CRAMP1: variants seen among roughly 807,000 people sequenced by gnomAD.
CRAMP1 encodes the protein protein cramped-like.
In CRAMP1, 50 loss-of-function variants were observed where a neutral mutation model predicts 115.4. That is an observed-to-expected ratio of 0.43 (90% CI 0.35 to 0.55). The LOEUF is 0.55. CRAMP1 is among the 20% of genes least tolerant of loss of function. CRAMP1 has a pLI of 0.01. For synonymous variants in CRAMP1, 866 were observed against 745.4 expected, an observed-to-expected ratio of 1.16 and a Z score of -2.64; for missense variants, 1,679 against 1,721.7, an observed-to-expected ratio of 0.98 and a Z score of 0.44.
chr16:1,657,718 A>G (rs1166848862), intron 10 of CRAMP1, among the ~76,000 whole-genome samples: 1 of 152,136 alleles, frequency 6.6e-6, no homozygotes, highest in Non-Finnish European at 1.5e-5. Flanking sequence ...GAGCCGACAG[A>G]TGGGGTGCAG....
chr16:1,659,615 C>T (rs1324857798), intron 10 of CRAMP1, among the ~76,000 whole-genome samples: 1 of 152,136 alleles, frequency 6.6e-6, no homozygotes, highest in African/African-American at 2.4e-5. Context: ...TCTCGATCTC[C>T]TGACCTCATG....
chr16:1,637,996 CT>C, intron 5 of CRAMP1, 89 bp downstream of exon 5: 1 of 591,932 alleles, frequency 1.7e-6, no homozygotes, highest in South Asian at 3.8e-5. Flanking sequence ...TCTAGTTTCC[CT>C]CTAACTTTTA....
chr16:1,613,491 G>T (rs139768738), intron 1 of CRAMP1, among the ~76,000 whole-genome samples: 10 of 152,156 alleles, frequency 6.6e-5, no homozygotes, highest in African/African-American at 2.2e-4. Flanking sequence ...TTGAACGCAG[G>T]GTCAGTATCT....
chr16:1,662,320 A>G lies in CRAMP1; in HGVS notation c.2414-170A>G, dbSNP rs1036493077. Reference sequence around the variant, plus strand: ...GGGAACAAGAATTTCAGTGAGAAGGATAGAAAATCAGTCTTTATGTGGGAC... The same window carrying G: ...GGGAACAAGAATTTCAGTGAGAAGGGTAGAAAATCAGTCTTTATGTGGGAC... On this transcript the variant is annotated intron_variant, in intron 11 of 20. Coordinates refer to ENST00000397412, the MANE Select transcript of CRAMP1 (RefSeq NM_020825.4). 1.2e-5 allele frequency: 7 copies of G among 605,484 alleles called. No homozygotes were observed. The African/African-American group carries it at 1.3e-4, about 11-fold the overall frequency. 37.5% of individuals were successfully genotyped at this position (605,484 alleles called of 1,614,324 possible).
At chr16:1,661,816 A>G (rs1463289858) in intron 11 of CRAMP1, among the ~76,000 whole-genome samples, 1 of 152,172 alleles carries the variant, frequency 6.6e-6, no homozygotes, top group Non-Finnish European at 1.5e-5. Context: ...CTGGCCTACC[A>G]TGAATTCACA....
intron 14 of CRAMP1, 49 bp downstream of exon 14, chr16:1,665,187 G>A: frequency 8.2e-7 from 1 of 1,219,990 alleles, no homozygotes; most frequent in Non-Finnish European, 1.2e-6. Context: ...CTCCTCACAG[G>A]AGGGCCTTGG....
At position 1,656,420 on chromosome 16, in the gene CRAMP1, C is replaced by T. The variant is rs950653296; in HGVS notation, c.1663C>T (p.Leu555Phe). The T allele has an allele frequency of 3.8e-6, 6 of 1,587,680 alleles. No individual in the cohort carries two copies. The highest frequency in any genetic ancestry group is 5.1e-6 in the Non-Finnish European group (6 of 1,167,496). Residue 555 changes from leucine to phenylalanine, a missense_variant, in exon 10 of 21, where the codon CTC becomes TTC. Transcript: ENST00000397412. This position sits in a 1 kb window ranked among gnomAD's most constrained non-coding sequence, Gnocchi z 5.6. The stretch of plus-strand genomic sequence containing the variant: ...CCAGCTCCCAGACCTGGAGGACGAG[C>T]TCTCGCTTCTAGACCCCTTGCCCCG... ...CGQLPDLEDE[L>F]SLLDPLPRYL...
intron 20 of CRAMP1, 90 bp downstream of exon 20, chr16:1,670,899 G>C (rs2036917146): frequency 7.8e-7 from 1 of 1,279,836 alleles, no homozygotes. Flanking sequence ...GGGTTAGTAA[G>C]AGCTGTTTGC....
chr16:1,630,700 C>T (rs1000028904), intron 3 of CRAMP1, among the ~76,000 whole-genome samples: 3 of 152,192 alleles, frequency 2.0e-5, no homozygotes, highest in Non-Finnish European at 4.4e-5. Context: ...TAACCTGGGA[C>T]AGCTCCTGGG....
At chr16:1,651,246 CAG>C (rs898555387) in intron 6 of CRAMP1, among the ~76,000 whole-genome samples, 3 of 148,214 alleles carry the variant, frequency 2.0e-5, no homozygotes, top group African/African-American at 7.6e-5. Context: ...ACAGGTTACA[CAG>C]AGGTCACACG....
intron 5 of CRAMP1, 65 bp from the exon 6 acceptor site, chr16:1,641,074 G>T: frequency 9.0e-7 from 1 of 1,105,942 alleles, no homozygotes. Flanking sequence ...AATTGTATGG[G>T]AATCTTCAGT....
intron 20 of CRAMP1, among the ~76,000 whole-genome samples, chr16:1,673,253 C>G (rs1231774520): frequency 6.7e-6 from 1 of 148,334 alleles, no homozygotes; most frequent in African/African-American, 2.5e-5. Flanking sequence ...GTGCCCCCCA[C>G]CTGTCCTCAT....
chr16:1,660,237 G>C (rs1295097249), intron 11 of CRAMP1, among the ~76,000 whole-genome samples, 174 bp downstream of exon 11: 1 of 152,220 alleles, frequency 6.6e-6, no homozygotes, highest in Non-Finnish European at 1.5e-5. Flanking sequence ...TCCTCATGGG[G>C]AGGGTGATGC....
chr16:1,659,815 T>C (rs1038193701), intron 10 of CRAMP1, 71 bp from the exon 11 acceptor site: 50 of 1,409,790 alleles, frequency 3.5e-5, no homozygotes, highest in Non-Finnish European at 4.9e-5. Flanking sequence ...TTGTGCCTCC[T>C]ACTCCAGGGC....
rs66696624 is a variant in CRAMP1 at position 1,674,210 on chromosome 16, C to T, written c.*165C>T. The stretch of plus-strand genomic sequence containing the variant: ...CTTCCCCACGAGCAGCAGGCAACGG[C>T]GTCCAAGGAGACTAGGATGAGTTCT... On this transcript the variant is annotated 3_prime_UTR_variant, in exon 21 of 21. Transcript: ENST00000397412. The T allele has an allele frequency of 0.076, 50,436 of 665,562 alleles. 2,010 individuals carry two copies. The highest frequency in any genetic ancestry group is 0.1 in the African/African-American group (5,791 of 55,192). 41.2% of individuals were successfully genotyped at this position (665,562 alleles called of 1,614,324 possible). A position where few individuals can be genotyped will look rare whatever the true frequency, so the allele number is the denominator to read the frequency against.
intron 10 of CRAMP1, 62 bp downstream of exon 10, chr16:1,657,054 G>C (rs1407754498): frequency 7.2e-7 from 1 of 1,396,010 alleles, no homozygotes; most frequent in Non-Finnish European, 9.4e-7. Flanking sequence ...AGCCTTGGAG[G>C]GCTCCCTGCT....
In CRAMP1 at chr16:1,675,833, C is replaced by T. The variant is rs1406167667; in HGVS notation, c.*1788C>T. 1 of 152,254 alleles carries T rather than the reference C, an allele frequency of 6.6e-6. No homozygotes were observed. The highest frequency in any genetic ancestry group is 2.4e-5 in the African/African-American group (1 of 41,460). 9.4% of individuals were successfully genotyped at this position (152,254 alleles called of 1,614,324 possible). On this transcript the variant is annotated 3_prime_UTR_variant, in exon 21 of 21. Coordinates refer to ENST00000397412, the MANE Select transcript of CRAMP1 (RefSeq NM_020825.4). Reference sequence around the variant, plus strand: ...TCTTAGGGGTGAAAAAAGAAACATGCCACTTGATTAGGAGAGAGACAGCAG... The same window carrying T: ...TCTTAGGGGTGAAAAAAGAAACATGTCACTTGATTAGGAGAGAGACAGCAG...
rs1020063761 is a variant in CRAMP1, at chr16:1,677,626, T to C, written c.*3581T>C. The C allele has an allele frequency of 1.3e-5, 2 of 152,726 alleles. No individual in the cohort carries two copies. Among genetic ancestry groups the C allele is most frequent in the African/African-American group, 2.4e-5 (1 of 41,450 alleles). 9.5% of individuals were successfully genotyped at this position (152,726 alleles called of 1,614,324 possible). Reference sequence around the variant, plus strand: ...CGCGCCCCGCTCCCCTTCTCTCTCTTACTCGGTTAAGCCATAGCGAGGCCT... The same window carrying C: ...CGCGCCCCGCTCCCCTTCTCTCTCTCACTCGGTTAAGCCATAGCGAGGCCT... On this transcript the variant is annotated 3_prime_UTR_variant, in exon 21 of 21. Transcript: ENST00000397412.
intron 9 of CRAMP1, among the ~76,000 whole-genome samples, 159 bp from the exon 10 acceptor site, chr16:1,655,718 C>T (rs561747015): frequency 5.9e-5 from 9 of 152,330 alleles, no homozygotes; most frequent in African/African-American, 1.9e-4. Flanking sequence ...CCCGGGTCAG[C>T]ATTGTTGGGT....
Sources: gnomAD v4.1 joint callset for allele counts (sites outside exome capture counted in the v4.1 genomes callset) on GRCh38, gnomAD v4.1.1 for gene constraint, Gnocchi (gnomAD v3.1) non-coding constraint, MANE v1.5 for transcripts, NCBI Gene and HGNC (gene_info 2026-07-23, HGNC 2026-07-21) for gene names.